The following EYS variants were observed in gnomAD, a reference collection of about 807,000 sequenced individuals.
EYS encodes EGF-like photoreceptor maintenance factor, also known as protein eyes shut homolog.
A neutral mutation model predicts 282.1 loss-of-function variants in EYS; 250 were observed. The observed-to-expected ratio is 0.89, with a 90% CI of 0.80 to 0.98. The LOEUF is 0.98. Among genes scored for constraint, EYS ranks in the 50% least tolerant of loss-of-function variants. The probability of loss-of-function intolerance (pLI) is 0.00; values close to 1 mark genes in which losing one functional copy is unlikely to be tolerated. For missense variants in EYS, 4,016 were observed against 3,709.0 expected, an observed-to-expected ratio of 1.08 and a Z score of -2.15; for synonymous variants, 1,355 against 1,282.9, an observed-to-expected ratio of 1.06 and a Z score of -1.20.
intron 22 of EYS, among the ~76,000 whole-genome samples, chr6:64,670,091 G>A (rs982992276): frequency 6.6e-6 from 1 of 151,980 alleles, no homozygotes; most frequent in African/African-American, 2.4e-5. Context: ...TAGAGATAAT[G>A]CCCTGATCTC....
At chr6:65,536,435 T>C (rs375728739) in intron 2 of EYS, among the ~76,000 whole-genome samples, 16 of 151,974 alleles carry the variant, frequency 1.1e-4, no homozygotes, top group African/African-American at 3.9e-4. Flanking sequence ...GGGAGACTAA[T>C]AAGTTGAATG....
At chr6:63,927,037 G>A (rs1012906024) in intron 35 of EYS, among the ~76,000 whole-genome samples, 11 of 152,274 alleles carry the variant, frequency 7.2e-5, no homozygotes, top group African/African-American at 2.2e-4. Flanking sequence ...CTCATTTTCT[G>A]TGAATTGGAT....
At position 64,886,758 on chromosome 6, in the gene EYS, A is replaced by T; in HGVS notation, c.2931T>A (p.Asp977Glu). The change falls in exon 19 of 43, where the codon GAT becomes GAA. Residue 977 changes from aspartate to glutamate, a missense_variant. By Grantham distance (45) the Asp-to-Glu change is conservative (BLOSUM62 2). Transcript: ENST00000503581. The stretch of plus-strand genomic sequence containing the variant: ...CAGTCCTGTAGACACAATTTTCTTC[A>T]TCTAGACAAGGTGAGATTTTACATT... ...VNKCKISPCL[D>E]EENCVYRTDG... is the part of the protein sequence containing the mutation. The T allele has an allele frequency of 6.5e-7, 1 of 1,548,214 alleles. No homozygotes were observed. Among genetic ancestry groups the T allele is most frequent in the Non-Finnish European group, 8.7e-7 (1 of 1,144,982 alleles).
intron 22 of EYS, among the ~76,000 whole-genome samples, chr6:64,686,866 T>TACAC: frequency 8.0e-6 from 1 of 125,216 alleles, no homozygotes; most frequent in African/African-American, 3.1e-5. Flanking sequence ...TGTATATATA[T>TACAC]ACGTGTATAT....
At position 64,523,049 on chromosome 6, in the gene EYS, G is replaced by GT. The variant is rs59104277; in HGVS notation, c.5644+67173dup. Among the ~76,000 whole-genome samples, 476 of 148,620 alleles carry GT rather than the reference G, an allele frequency of 3.2e-3. 1 individual carries two copies. Among genetic ancestry groups the GT allele is most frequent in the African/African-American group, 7.3e-3 (299 of 40,796 alleles). On this transcript the variant is annotated intron_variant, in intron 26 of 42. Coordinates refer to ENST00000503581, the MANE Select transcript of EYS (RefSeq NM_001142800.2). The stretch of plus-strand genomic sequence containing the variant: ...TCATTTTAGTTAAGGTTTATGAGCT[G>GT]TTTTTTTTTTCCCCCTACAGGTGAA...
Position 65,495,908 on chromosome 6 carries a change from C to T in EYS, c.-247G>A, listed in dbSNP as rs2127272545. The T allele has an allele frequency of 6.2e-6, 1 of 160,160 alleles. No homozygotes were observed. Among genetic ancestry groups the T allele is most frequent in the African/African-American group, 2.4e-5 (1 of 41,614 alleles). 9.9% of individuals were successfully genotyped at this position (160,160 alleles called of 1,614,324 possible). ...ACACCAAGCTTCAATCTAATCAAAA[C>T]ACAGCACAGCCAAGATTCTTTTACA... On this transcript the variant is annotated 5_prime_UTR_variant, in exon 3 of 43. Coordinates refer to ENST00000503581, the MANE Select transcript of EYS (RefSeq NM_001142800.2).
intron 26 of EYS, among the ~76,000 whole-genome samples, chr6:64,530,258 T>C (rs1157824198): frequency 1.3e-5 from 2 of 152,042 alleles, no homozygotes; most frequent in Non-Finnish European, 2.9e-5. Flanking sequence ...AATTTAAAAG[T>C]ACTAAAATAT....
At chr6:63,971,574 T>C (rs528993738) in intron 35 of EYS, among the ~76,000 whole-genome samples, 2 of 152,302 alleles carry the variant, frequency 1.3e-5, no homozygotes, top group Non-Finnish European at 2.9e-5. Context: ...ATATAAATAT[T>C]TGTGGCTCAC....
chr6:65,266,831 T>G (rs1202817358), intron 12 of EYS, among the ~76,000 whole-genome samples: 1 of 150,880 alleles, frequency 6.6e-6, no homozygotes, highest in Non-Finnish European at 1.5e-5. Flanking sequence ...TAAAAAAAAC[T>G]GAAAATTTTA....
At chr6:64,728,044 G>A (rs530235377) in intron 22 of EYS, among the ~76,000 whole-genome samples, 27 of 152,130 alleles carry the variant, frequency 1.8e-4, no homozygotes, top group Non-Finnish European at 3.5e-4. Context: ...TCTTCGGGGC[G>A]GCAGGGGTGG....
intron 30 of EYS, among the ~76,000 whole-genome samples, chr6:64,293,440 T>C (rs1768786131): frequency 2.0e-5 from 3 of 152,122 alleles, no homozygotes; most frequent in African/African-American, 7.2e-5. Context: ...ATCTTTGGTT[T>C]CTGTATCATT....
intron 12 of EYS, among the ~76,000 whole-genome samples, chr6:65,175,000 AT>A (rs1562004760): frequency 2.0e-5 from 3 of 151,246 alleles, no homozygotes. Flanking sequence ...GTCACTCCTT[AT>A]ATAGTATCAT....
At position 63,745,328 on chromosome 6, in the gene EYS, C is replaced by T. The variant is rs541934944; in HGVS notation, c.8071+17133G>A. On this transcript the variant is annotated intron_variant, in intron 41 of 42. Coordinates refer to ENST00000503581, the MANE Select transcript of EYS (RefSeq NM_001142800.2). Reference sequence around the variant, plus strand: ...ACACAGGAAGAATGCTATGTTAATACGAGGGCAGAGATTGGAGTGATGCAC... The same window carrying T: ...ACACAGGAAGAATGCTATGTTAATATGAGGGCAGAGATTGGAGTGATGCAC... 3.9e-5 allele frequency among the ~76,000 whole-genome samples: 6 copies of T among 152,232 alleles called. No homozygotes were observed. In the East Asian group the frequency reaches 7.7e-4, roughly 20 times the overall value.
At chr6:64,191,791 G>A (rs1349500935) in intron 31 of EYS, among the ~76,000 whole-genome samples, 1 of 151,546 alleles carries the variant, frequency 6.6e-6, no homozygotes, top group Non-Finnish European at 1.5e-5. Flanking sequence ...GTAAACATAC[G>A]TGTGCATGTG....
At chr6:64,619,019 A>G (rs1021133884) in intron 23 of EYS, among the ~76,000 whole-genome samples, 1 of 152,224 alleles carries the variant, frequency 6.6e-6, no homozygotes, top group Non-Finnish European at 1.5e-5. Context: ...AGATGCATAC[A>G]TATATAATAA....
intron 22 of EYS, among the ~76,000 whole-genome samples, chr6:64,785,874 G>C (rs1229445792): frequency 6.6e-6 from 1 of 152,124 alleles, no homozygotes; most frequent in African/African-American, 2.4e-5. Context: ...AGCAAATCCA[G>C]GTTAACCCAG....
intron 13 of EYS, among the ~76,000 whole-genome samples, chr6:65,026,093 C>A (rs1772400187): frequency 6.6e-6 from 1 of 152,174 alleles, no homozygotes; most frequent in Non-Finnish European, 1.5e-5. Context: ...AGTAATTCTT[C>A]AGTCCCTCTC....
chr6:64,054,670 G>A (rs1041792671), intron 33 of EYS, among the ~76,000 whole-genome samples: 3 of 152,086 alleles, frequency 2.0e-5, no homozygotes, highest in Non-Finnish European at 4.4e-5. Flanking sequence ...AATGGCCTAG[G>A]TAGTAACCCT....
intron 14 of EYS, among the ~76,000 whole-genome samples, chr6:64,950,217 C>T (rs28484766): frequency 2.3e-3 from 346 of 152,026 alleles, no homozygotes; most frequent in African/African-American, 7.9e-3. Context: ...TAGAAAATCA[C>T]ACTAAACCAG....
Sources: gnomAD v4.1 joint callset for allele counts (sites outside exome capture counted in the v4.1 genomes callset) on GRCh38, gnomAD v4.1.1 for gene constraint, MANE v1.5 for transcripts, NCBI Gene and HGNC (gene_info 2026-07-23, HGNC 2026-07-21) for gene names.